The following LPAR3 variants were observed in gnomAD, a reference collection of about 807,000 sequenced individuals.
LPAR3 encodes the protein lysophosphatidic acid receptor 3, also known as LPA receptor 3.
Under a neutral mutation model 17.8 loss-of-function variants are expected in LPAR3, and 7 were observed. That is an observed-to-expected ratio of 0.39 (90% CI 0.22 to 0.74). The LOEUF (loss-of-function observed/expected upper bound fraction) is 0.74, where lower values mean the gene tolerates loss of function less well. Among genes scored for constraint, LPAR3 ranks in the 30% least tolerant of loss-of-function variants. The pLI is 0.40. For synonymous variants in LPAR3, 179 were observed against 179.9 expected, an observed-to-expected ratio of 0.99 and a Z score of 0.04; for missense variants, 391 against 453.4, an observed-to-expected ratio of 0.86 and a Z score of 1.25.
chr1:84,856,969 T>C (rs1659842276), intron 2 of LPAR3, among the ~76,000 whole-genome samples: 1 of 152,230 alleles, frequency 6.6e-6, no homozygotes, highest in African/African-American at 2.4e-5. Flanking sequence ...GGACTAGCAA[T>C]GTAAGCACAG....
At chr1:84,890,557 G>A (rs942498352) in intron 1 of LPAR3, among the ~76,000 whole-genome samples, 5 of 152,170 alleles carry the variant, frequency 3.3e-5, no homozygotes, top group Non-Finnish European at 7.4e-5. Flanking sequence ...GCTTGGACTG[G>A]AACAAAAGCT....
chr1:84,890,621 G>A (rs114704823), intron 1 of LPAR3, among the ~76,000 whole-genome samples: 51 of 152,256 alleles, frequency 3.3e-4, no homozygotes, highest in African/African-American at 1.2e-3. Flanking sequence ...TAATGCCTTG[G>A]GCCTGGTCTC....
chr1:84,873,072 G>A (rs535383479), intron 1 of LPAR3, among the ~76,000 whole-genome samples: 2 of 152,170 alleles, frequency 1.3e-5, no homozygotes, highest in African/African-American at 4.8e-5. Context: ...CAAAAACAAA[G>A]AAAACCTGAA....
rs1658819518 is a variant in LPAR3, at chr1:84,811,847, A to G, written c.*1999T>C. 1 of 152,130 alleles carries G rather than the reference A, an allele frequency of 6.6e-6. No individual in the cohort carries two copies. The allele number at this position is 152,130 out of a possible 1,614,324, so 9.4% of individuals were successfully genotyped here. ...AAACTACATAAATACTATAATATCT[A>G]CCTTGAAGTTATTCTCATTTTAAAT... On this transcript the variant is annotated 3_prime_UTR_variant, in exon 3 of 3. Coordinates refer to ENST00000370611, the MANE Select transcript of LPAR3 (RefSeq NM_012152.3).
intron 1 of LPAR3, among the ~76,000 whole-genome samples, chr1:84,889,489 G>A (rs1054986987): frequency 4.6e-5 from 7 of 152,156 alleles, no homozygotes; most frequent in East Asian, 1.9e-4. Context: ...ACTGAGATGC[G>A]CAGACAGTAC....
At chr1:84,880,258 C>A (rs78014620) in intron 1 of LPAR3, among the ~76,000 whole-genome samples, 3,126 of 152,308 alleles carry the variant, frequency 0.021, 55 homozygotes, top group South Asian at 0.057. Flanking sequence ...TGAACAGAAC[C>A]AGAACATGAG....
chr1:84,873,754 G>GTTTTTTTTTT (rs774761348), intron 1 of LPAR3, among the ~76,000 whole-genome samples: 1 of 137,530 alleles, frequency 7.3e-6, no homozygotes. Context: ...TGTTTTGCTT[G>GTTTTTTTTTT]TTTGTTTTTT....
At chr1:84,862,877 A>G (rs1570891842) in intron 2 of LPAR3, among the ~76,000 whole-genome samples, 1 of 152,232 alleles carries the variant, frequency 6.6e-6, no homozygotes, top group Non-Finnish European at 1.5e-5. Flanking sequence ...GCCTTACAAG[A>G]CAAGTTCTGT....
At chr1:84,860,578 CT>C (rs1365331247) in intron 2 of LPAR3, among the ~76,000 whole-genome samples, 1 of 152,158 alleles carries the variant, frequency 6.6e-6, no homozygotes, top group Non-Finnish European at 1.5e-5. Context: ...TCAACAGCCC[CT>C]GTCCATCCTT....
intron 2 of LPAR3, among the ~76,000 whole-genome samples, chr1:84,864,905 C>G (rs758798956): frequency 6.6e-6 from 1 of 152,158 alleles, no homozygotes; most frequent in Non-Finnish European, 1.5e-5. Flanking sequence ...CTCCTACTCC[C>G]TCTGCTCGAT....
rs71097866 is a variant in LPAR3 at position 84,892,214 on chromosome 1, AAAATAAATAAATAAAT to A, written c.-19+786_-19+801del. On this transcript the variant is annotated intron_variant, in intron 1 of 2. Transcript: ENST00000370611. ...GATGATAGTGCGAGACTGTGTCTCAAAAATAAATAAATAAATAAATAAATAAATAAATAAATAAATA... is the reference window on the plus strand; with the variant it reads ...GATGATAGTGCGAGACTGTGTCTCAAAAATAAATAAATAAATAAATAAATA... Among the ~76,000 whole-genome samples, 273 of 135,596 alleles carry A rather than the reference AAAATAAATAAATAAAT, an allele frequency of 2.0e-3. 1 individual carries two copies. The highest frequency in any genetic ancestry group is 6.7e-3 in the African/African-American group (232 of 34,506). 89.0% of individuals were successfully genotyped at this position (135,596 alleles called of 152,430 possible).
intron 2 of LPAR3, among the ~76,000 whole-genome samples, chr1:84,841,698 A>G (rs1659508093): frequency 6.6e-6 from 1 of 152,222 alleles, no homozygotes; most frequent in Admixed American, 6.5e-5. Flanking sequence ...GGCTACACAA[A>G]CACATATCCT....
chr1:84,844,424 A>C (rs1659561150), intron 2 of LPAR3, among the ~76,000 whole-genome samples: 1 of 152,240 alleles, frequency 6.6e-6, no homozygotes, highest in Non-Finnish European at 1.5e-5. Flanking sequence ...GTGGGAGTGG[A>C]GATTGATGCA....
At position 84,865,712 on chromosome 1, in the gene LPAR3, G is replaced by A; in HGVS notation, c.409C>T (p.His137Tyr). ...ACCCTCTTTTTGGTCAGGTTGCTAT[G>A]GACCCGCATCCTCATGATTGACATG... ...RHMSIMRMRV[H>Y]SNLTKKRVTL... is the part of the protein sequence containing the mutation. Residue 137 changes from histidine (H) to tyrosine (Y), a missense_variant, in exon 2 of 3, where the codon CAT becomes TAT. Coordinates refer to ENST00000370611, the MANE Select transcript of LPAR3 (RefSeq NM_012152.3). 1 of 1,614,166 alleles carries A rather than the reference G, an allele frequency of 6.2e-7. No individual in the cohort carries two copies. The highest frequency in any genetic ancestry group is 8.5e-7 in the Non-Finnish European group (1 of 1,180,026).
intron 2 of LPAR3, among the ~76,000 whole-genome samples, chr1:84,851,693 C>A (rs569120188): frequency 9.2e-5 from 14 of 152,146 alleles, no homozygotes; most frequent in African/African-American, 3.4e-4. Flanking sequence ...CAGAAAACTT[C>A]GAGGAGCCTC....
chr1:84,862,385 A>T (rs1659957678), intron 2 of LPAR3, among the ~76,000 whole-genome samples: 4 of 152,254 alleles, frequency 2.6e-5, no homozygotes, highest in African/African-American at 9.6e-5. Context: ...GTATGGTGGT[A>T]AATATGTGAA....
intron 2 of LPAR3, among the ~76,000 whole-genome samples, chr1:84,827,364 T>C (rs1222253470): frequency 6.6e-6 from 1 of 152,110 alleles, no homozygotes; most frequent in Non-Finnish European, 1.5e-5. Context: ...CTACAGATTA[T>C]GTATTATGGG....
chr1:84,892,214 AAAATAAATAAATAAATAAATAAAT>A (rs71097866), intron 1 of LPAR3, among the ~76,000 whole-genome samples: 4 of 135,546 alleles, frequency 3.0e-5, no homozygotes, highest in African/African-American at 1.2e-4. Flanking sequence ...CTGTGTCTCA[AAAATAAATAAATAAATAAATAAAT>A]AAATAAATAA....
chr1:84,814,612 C>G (rs1658897082), intron 2 of LPAR3, among the ~76,000 whole-genome samples: 1 of 152,190 alleles, frequency 6.6e-6, no homozygotes, highest in Admixed American at 6.5e-5. Flanking sequence ...ATACTTCACC[C>G]TACATTCTGC....
Sources: allele counts gnomAD v4.1 joint callset (sites outside exome capture counted in the v4.1 genomes callset), GRCh38; gene constraint gnomAD v4.1.1; transcripts MANE v1.5; gene names NCBI Gene and HGNC (gene_info 2026-07-23, HGNC 2026-07-21).